ZFHX3: variants seen among roughly 807,000 people sequenced by gnomAD.
ZFHX3 encodes the protein zinc finger homeobox protein 3.
Under a neutral mutation model 279.1 loss-of-function variants are expected in ZFHX3, and 42 were observed. The ratio of observed to expected loss-of-function variants is 0.15; its 90% confidence interval spans 0.12 to 0.19. The LOEUF is 0.19. ZFHX3 is among the 10% of genes least tolerant of loss of function. ZFHX3 has a pLI of 1.00. For missense variants in ZFHX3, 4,981 were observed against 4,754.0 expected (o/e 1.05, Z -1.40); for synonymous variants, 2,293 against 1,957.8 (o/e 1.17, Z -4.52).
chr16:72,929,239 TAAA>T (rs766113421), intron 3 of ZFHX3, among the ~76,000 whole-genome samples: 5 of 116,860 alleles, frequency 4.3e-5, no homozygotes, highest in Admixed American at 8.8e-5. Context: ...AGACCCTGTC[TAAA>T]AAAAAAAAAA....
At chr16:73,458,327 TTCCTCCCTCC>T (rs2018411062) in intron 2 of ZFHX3, among the ~76,000 whole-genome samples, 3 of 130,724 alleles carry the variant, frequency 2.3e-5, no homozygotes, top group Non-Finnish European at 4.9e-5. Flanking sequence ...CCTCCCTCAC[TTCCTCCCTCC>T]CTTCCTCCCT....
intron 2 of ZFHX3, among the ~76,000 whole-genome samples, chr16:72,956,373 C>A (rs141106984): frequency 6.6e-6 from 1 of 152,174 alleles, no homozygotes; most frequent in African/African-American, 2.4e-5. Flanking sequence ...AGCAGCGTCA[C>A]GGGATGGGAC....
intron 3 of ZFHX3, among the ~76,000 whole-genome samples, chr16:72,950,031 G>C (rs1597002601): frequency 7.2e-6 from 1 of 139,486 alleles, no homozygotes; most frequent in Admixed American, 7.6e-5. Context: ...ATGGATGAAA[G>C]AAGGAAGGGA....
At chr16:73,006,045 T>C (rs192078557) in intron 1 of ZFHX3, 37 of 152,350 alleles carry the variant, frequency 2.4e-4, no homozygotes, top group African/African-American at 8.7e-4. Context: ...CTTGGGCCAC[T>C]AGGAAGACAG....
intron 3 of ZFHX3, among the ~76,000 whole-genome samples, chr16:73,364,597 C>T (rs892545355): frequency 3.3e-5 from 5 of 151,996 alleles, no homozygotes; most frequent in East Asian, 1.9e-4. Context: ...CTAGTCTGGC[C>T]GGGGAACCCA....
chr16:73,019,393 C>T (rs1425586298), intron 1 of ZFHX3, among the ~76,000 whole-genome samples: 8 of 152,132 alleles, frequency 5.3e-5, no homozygotes, highest in East Asian at 1.9e-4. Context: ...TGTCTGCACG[C>T]GCACCTGAGT....
chr16:73,105,143 C>T (rs985871935), intron 7 of ZFHX3, among the ~76,000 whole-genome samples: 8 of 151,756 alleles, frequency 5.3e-5, no homozygotes, highest in Non-Finnish European at 1.2e-4. Context: ...TGGTGGCTCA[C>T]GTTTGTAATC....
chr16:72,921,266 G>C (rs981857882), intron 3 of ZFHX3, among the ~76,000 whole-genome samples: 5 of 152,126 alleles, frequency 3.3e-5, no homozygotes. Context: ...CATCAACGAA[G>C]CTTCTAGGAG....
Position 72,787,052 on chromosome 16 carries a change from T to TTTTG in ZFHX3, c.*111_*112insCAAA. The TTTTG allele has an allele frequency of 8.6e-6, 9 of 1,048,790 alleles. No homozygotes were observed. The highest frequency in any genetic ancestry group is 1.1e-5 in the Non-Finnish European group (9 of 827,598). 65.0% of individuals were successfully genotyped at this position (1,048,790 alleles called of 1,614,324 possible). A position where few individuals can be genotyped will look rare whatever the true frequency, so the allele number is the denominator to read the frequency against. On this transcript the variant is annotated 3_prime_UTR_variant, in exon 10 of 10. Transcript: ENST00000268489. ...TTTCTTTTTTTTCTTTTTTTTTTTT[T>TTTTG]TTTTGTTTTTTGGTTAGAAGCTTTG...
chr16:73,179,595 C>T (rs1454091627), intron 5 of ZFHX3, among the ~76,000 whole-genome samples: 6 of 152,154 alleles, frequency 3.9e-5, no homozygotes, highest in Non-Finnish European at 7.3e-5. Flanking sequence ...AAACTGCTCA[C>T]GTGGAAATTG....
chr16:73,433,997 G>A (rs539617461), intron 3 of ZFHX3, among the ~76,000 whole-genome samples: 1 of 152,288 alleles, frequency 6.6e-6, no homozygotes, highest in South Asian at 2.1e-4. Flanking sequence ...TCTGGGAGGG[G>A]GGCGAGCTGG....
intron 1 of ZFHX3, among the ~76,000 whole-genome samples, chr16:73,033,523 G>T (rs1341803626): frequency 6.6e-6 from 1 of 151,258 alleles, no homozygotes; most frequent in Non-Finnish European, 1.5e-5. Flanking sequence ...GGGAAAGGGG[G>T]CAGGCGGGGG....
At chr16:73,207,539 T>C (rs1393209725) in intron 5 of ZFHX3, among the ~76,000 whole-genome samples, 2 of 152,186 alleles carry the variant, frequency 1.3e-5, no homozygotes, top group East Asian at 1.9e-4. Context: ...GCCAGTTGGC[T>C]TCACTCATTT....
At chr16:73,282,864 C>A (rs2014491665) in intron 4 of ZFHX3, among the ~76,000 whole-genome samples, 1 of 152,102 alleles carries the variant, frequency 6.6e-6, no homozygotes, top group South Asian at 2.1e-4. Flanking sequence ...CAGATTAAGT[C>A]CTTCATTTGT....
intron 1 of ZFHX3, among the ~76,000 whole-genome samples, chr16:73,780,951 T>C (rs903976409): frequency 6.6e-6 from 1 of 152,190 alleles, no homozygotes; most frequent in African/African-American, 2.4e-5. Flanking sequence ...ACATGAAAGG[T>C]AATATCAGTT....
At chr16:72,999,199 G>A (rs1242745166) in intron 1 of ZFHX3, among the ~76,000 whole-genome samples, 1 of 152,176 alleles carries the variant, frequency 6.6e-6, no homozygotes. Flanking sequence ...GCCTAGGCTG[G>A]AGTGCAGTGG....
intron 1 of ZFHX3, 78 bp from the exon 2 acceptor site, chr16:72,960,272 G>T: frequency 8.3e-7 from 1 of 1,203,946 alleles, no homozygotes; most frequent in Non-Finnish European, 1.1e-6. Context: ...GAGGGCCGAG[G>T]CTGAGGTCCT....
intron 2 of ZFHX3, among the ~76,000 whole-genome samples, chr16:73,579,749 G>A (rs1373054170): frequency 2.7e-5 from 4 of 149,044 alleles, no homozygotes; most frequent in African/African-American, 5.0e-5. Context: ...TGATCCACCC[G>A]CCCCAGCCTC....
At chr16:73,524,183 A>G (rs1168156545) in intron 2 of ZFHX3, among the ~76,000 whole-genome samples, 1 of 152,162 alleles carries the variant, frequency 6.6e-6, no homozygotes. Context: ...CTGTGCACCT[A>G]CCATGTGCAA....
Sources: gnomAD v4.1 joint callset for allele counts (sites outside exome capture counted in the v4.1 genomes callset) on GRCh38, gnomAD v4.1.1 for gene constraint, MANE v1.5 for transcripts, NCBI Gene and HGNC (gene_info 2026-07-23, HGNC 2026-07-21) for gene names.